PIKFYVE: variants seen among roughly 807,000 people sequenced by gnomAD.
The protein encoded by PIKFYVE is phosphoinositide kinase, FYVE-type zinc finger containing.
PIKFYVE carries 122 observed loss-of-function variants against 257.9 expected under a neutral mutation model. The observed-to-expected ratio is 0.47, with a 90% confidence interval of 0.41 to 0.55. PIKFYVE has a LOEUF of 0.55. PIKFYVE is among the 20% of genes least tolerant of loss of function. The probability of loss-of-function intolerance (pLI) is 0.00; values close to 1 mark genes in which losing one functional copy is unlikely to be tolerated. For synonymous variants in PIKFYVE, 892 were observed against 868.9 expected (o/e 1.03, Z -0.47); for missense variants, 2,160 against 2,536.6 (o/e 0.85, Z 3.19).
chr2:208,283,785 T>G (rs1406328945), intron 5 of PIKFYVE, among the ~76,000 whole-genome samples: 1 of 152,190 alleles, frequency 6.6e-6, no homozygotes, highest in Non-Finnish European at 1.5e-5. Context: ...GGTCTCACCA[T>G]GTAGCCTAGG....
chr2:208,303,434 C>CA (rs1307047009), intron 10 of PIKFYVE, among the ~76,000 whole-genome samples: 27 of 152,148 alleles, frequency 1.8e-4, no homozygotes, highest in South Asian at 1.0e-3. Context: ...TGATAACAGA[C>CA]AATTAATACA....
chr2:208,340,894 TA>T (rs1336518122), intron 31 of PIKFYVE, among the ~76,000 whole-genome samples: 1 of 152,176 alleles, frequency 6.6e-6, no homozygotes, highest in Non-Finnish European at 1.5e-5. Context: ...CAGTAAAATA[TA>T]AAAGGTCCCT....
intron 35 of PIKFYVE, 25 bp from the exon 36 acceptor site, chr2:208,349,999 T>G (rs1211474318): frequency 1.2e-6 from 2 of 1,611,070 alleles, no homozygotes; most frequent in Non-Finnish European, 1.7e-6. Flanking sequence ...AACCTTGGCT[T>G]TACTAATGAT....
intron 21 of PIKFYVE, among the ~76,000 whole-genome samples, chr2:208,329,451 G>T (rs1289731583): frequency 6.6e-6 from 1 of 152,192 alleles, no homozygotes; most frequent in East Asian, 1.9e-4. Context: ...TGGCACTTTA[G>T]CAAGAACTGC....
At chr2:208,338,444 TA>T (rs1286019825) in intron 28 of PIKFYVE, 63 bp from the exon 29 acceptor site, 116 of 1,516,354 alleles carry the variant, frequency 7.6e-5, no homozygotes, top group Non-Finnish European at 9.9e-5. Flanking sequence ...TTCACTGGAT[TA>T]AAAAATTTTT....
intron 38 of PIKFYVE, among the ~76,000 whole-genome samples, chr2:208,352,443 A>G (rs903690541): frequency 6.6e-6 from 1 of 152,174 alleles, no homozygotes; most frequent in Non-Finnish European, 1.5e-5. Flanking sequence ...CTGAAGGATT[A>G]TTCCTTGGGA....
chr2:208,330,745 T>G, intron 23 of PIKFYVE, 51 bp downstream of exon 23: 1 of 1,495,198 alleles, frequency 6.7e-7, no homozygotes. Flanking sequence ...TCTTTATTTG[T>G]ATGTTTTTTT....
chr2:208,309,211 T>C (rs1363601043), intron 12 of PIKFYVE, among the ~76,000 whole-genome samples: 1 of 152,122 alleles, frequency 6.6e-6, no homozygotes, highest in Non-Finnish European at 1.5e-5. Flanking sequence ...CTGGAAAGAA[T>C]GGCTAGCGTG....
chr2:208,320,480 C>A, intron 17 of PIKFYVE, 121 bp downstream of exon 17: 4 of 1,160,950 alleles, frequency 3.4e-6, no homozygotes, highest in Non-Finnish European at 5.0e-6. Context: ...AACTTGATAG[C>A]TTACCAAAAC....
intron 15 of PIKFYVE, among the ~76,000 whole-genome samples, chr2:208,317,115 A>T (rs1468594925): frequency 6.7e-6 from 1 of 148,982 alleles, no homozygotes; most frequent in African/African-American, 2.5e-5. Flanking sequence ...ACGGCAACAA[A>T]AGCCAAAATT....
intron 24 of PIKFYVE, among the ~76,000 whole-genome samples, chr2:208,334,807 G>C (rs1035127502): frequency 3.3e-5 from 5 of 152,086 alleles, no homozygotes; most frequent in Non-Finnish European, 5.9e-5. Flanking sequence ...GACCCTCAGG[G>C]GATATTTGCT....
chr2:208,285,284 T>TG (rs1473170845), intron 5 of PIKFYVE, among the ~76,000 whole-genome samples: 3 of 151,952 alleles, frequency 2.0e-5, no homozygotes, highest in Non-Finnish European at 4.4e-5. Flanking sequence ...TTAGTAGAGA[T>TG]GGGGTTTCAC....
chr2:208,273,758 C>T, intron 3 of PIKFYVE, 25 bp downstream of exon 3: 1 of 1,613,226 alleles, frequency 6.2e-7, no homozygotes, highest in South Asian at 1.1e-5. Context: ...TTATTTCATT[C>T]CCTTCTATAT....
Position 208,358,518 on chromosome 2 carries a change from G to A in PIKFYVE, c.*3213G>A, listed in dbSNP as rs1700292687. 1.3e-5 allele frequency: 2 copies of A among 152,300 alleles called. No homozygotes were observed. The highest frequency in any genetic ancestry group is 2.9e-5 in the Non-Finnish European group (2 of 67,970). The allele number at this position is 152,300 out of a possible 1,614,324, so 9.4% of individuals were successfully genotyped here. A position where few individuals can be genotyped will look rare whatever the true frequency, so the allele number is the denominator to read the frequency against. ...AAATGTACATTATGTCTTTTGACATGTTGAATTTTAAACTAGGGAAATGAC... is the reference window on the plus strand; with the variant it reads ...AAATGTACATTATGTCTTTTGACATATTGAATTTTAAACTAGGGAAATGAC... On this transcript the variant is annotated 3_prime_UTR_variant, in exon 42 of 42. Coordinates refer to ENST00000264380, the MANE Select transcript of PIKFYVE (RefSeq NM_015040.4).
chr2:208,349,561 CTAG>C (rs1054353915), intron 35 of PIKFYVE, among the ~76,000 whole-genome samples: 7 of 149,868 alleles, frequency 4.7e-5, no homozygotes, highest in African/African-American at 1.7e-4. Flanking sequence ...TATTATGTAA[CTAG>C]TATATAATTT....
At chr2:208,319,784 G>T (rs1161110965) in intron 16 of PIKFYVE, among the ~76,000 whole-genome samples, 2 of 152,040 alleles carry the variant, frequency 1.3e-5, no homozygotes, top group African/African-American at 4.8e-5. Context: ...CTTAATGATT[G>T]TTTGGAAATT....
At chr2:208,334,808 G>T (rs936010021) in intron 24 of PIKFYVE, among the ~76,000 whole-genome samples, 4 of 152,140 alleles carry the variant, frequency 2.6e-5, no homozygotes, top group African/African-American at 7.2e-5. Context: ...ACCCTCAGGG[G>T]ATATTTGCTA....
chr2:208,315,373 A>G lies in PIKFYVE; in HGVS notation c.2007A>G (p.Lys669=), dbSNP rs759638654. ...MDIRQFVHIK[K]IPGGKKFDSV... Reference sequence around the variant, plus strand: ...TCCGTCAGTTTGTCCACATCAAAAAAGTGAGCTCTGCTAATGTTTTACTAA... The same window carrying G: ...TCCGTCAGTTTGTCCACATCAAAAAGGTGAGCTCTGCTAATGTTTTACTAA... The change falls in exon 15 of 42, where the codon AAA becomes AAG. Residue 669 remains lysine, a splice_region_variant and synonymous_variant. Transcript: ENST00000264380. 4 of 1,614,082 alleles carry G rather than the reference A, an allele frequency of 2.5e-6. No homozygotes were observed. The highest frequency in any genetic ancestry group is 3.4e-6 in the Non-Finnish European group (4 of 1,179,948).
intron 37 of PIKFYVE, 78 bp from the exon 38 acceptor site, chr2:208,351,274 T>A: frequency 8.6e-7 from 1 of 1,167,484 alleles, no homozygotes; most frequent in Non-Finnish European, 1.3e-6. Context: ...CCTAATCATT[T>A]AGGATCTTTG....
Sources: gnomAD v4.1 joint callset for allele counts (sites outside exome capture counted in the v4.1 genomes callset) on GRCh38, gnomAD v4.1.1 for gene constraint, MANE v1.5 for transcripts, NCBI Gene and HGNC (gene_info 2026-07-23, HGNC 2026-07-21) for gene names.